The following BABAM2 variants were observed in gnomAD, a reference collection of about 807,000 sequenced individuals.
BABAM2 encodes BRISC and BRCA1 A complex member 2.
Under a neutral mutation model 54.7 loss-of-function variants are expected in BABAM2, and 31 were observed. The observed-to-expected ratio is 0.57, with a 90% CI of 0.43 to 0.77. The LOEUF is 0.77. BABAM2 is among the 30% of genes least tolerant of loss of function. The probability of loss-of-function intolerance (pLI) is 0.00; values close to 1 mark genes in which losing one functional copy is unlikely to be tolerated. For missense variants in BABAM2, 364 were observed against 455.8 expected, an observed-to-expected ratio of 0.80 and a Z score of 1.83; for synonymous variants, 167 against 162.9, an observed-to-expected ratio of 1.03 and a Z score of -0.19.
chr2:28,055,414 T>TA (rs1357614522), intron 6 of BABAM2, among the ~76,000 whole-genome samples: 1 of 151,956 alleles, frequency 6.6e-6, no homozygotes, highest in Non-Finnish European at 1.5e-5. Flanking sequence ...GAACCTAAAA[T>TA]AAAAGTTAAA....
intron 4 of BABAM2, among the ~76,000 whole-genome samples, chr2:27,993,933 A>G (rs1416013406): frequency 6.6e-6 from 1 of 152,194 alleles, no homozygotes; most frequent in Non-Finnish European, 1.5e-5. Context: ...TATACAAAGA[A>G]TGCACTAAGC....
At chr2:28,061,994 C>T (rs1678912664) in intron 6 of BABAM2, among the ~76,000 whole-genome samples, 2 of 152,074 alleles carry the variant, frequency 1.3e-5, no homozygotes, top group South Asian at 4.1e-4. Flanking sequence ...TGCGGTGGCT[C>T]ACGCCTGTAA....
In BABAM2 at chr2:27,935,487, A is replaced by G. The variant is rs145717409; in HGVS notation, c.205+5579A>G. 3.0e-3 allele frequency among the ~76,000 whole-genome samples: 464 copies of G among 152,372 alleles called. 10 individuals carry two copies. The highest frequency in any genetic ancestry group is 4.6e-4 in the Non-Finnish European group (31 of 68,036). On this transcript the variant is annotated intron_variant, in intron 3 of 11. Coordinates refer to ENST00000379624, the MANE Select transcript of BABAM2 (RefSeq NM_199191.3). ...AGAAGGTTGCTTCTTGCAGATAAGC[A>G]AAGAAAGTAGTTTCTTGAGATCGAA... is the stretch of plus-strand genomic sequence containing the variant.
At chr2:27,997,598 T>A (rs1280174739) in intron 4 of BABAM2, among the ~76,000 whole-genome samples, 2 of 152,182 alleles carry the variant, frequency 1.3e-5, no homozygotes, top group Non-Finnish European at 2.9e-5. Context: ...CACATATAAT[T>A]TGAAAGCATG....
intron 3 of BABAM2, among the ~76,000 whole-genome samples, chr2:27,932,245 A>T (rs1668149217): frequency 6.6e-6 from 1 of 152,142 alleles, no homozygotes; most frequent in East Asian, 1.9e-4. Context: ...ACAATTAGGT[A>T]TCTTAATTTC....
At chr2:28,213,489 G>T (rs1308723244) in intron 7 of BABAM2, among the ~76,000 whole-genome samples, 1 of 151,908 alleles carries the variant, frequency 6.6e-6, no homozygotes, top group Non-Finnish European at 1.5e-5. Context: ...ACCAAGGGTG[G>T]GAATGCTGTA....
At chr2:27,900,439 A>G (rs1164509365) in intron 2 of BABAM2, among the ~76,000 whole-genome samples, 1 of 152,030 alleles carries the variant, frequency 6.6e-6, no homozygotes, top group Non-Finnish European at 1.5e-5. Context: ...ACCTTACTTA[A>G]TAAGACTGTG....
intron 11 of BABAM2, among the ~76,000 whole-genome samples, chr2:28,323,905 A>C (rs1690234266): frequency 6.6e-6 from 1 of 152,148 alleles, no homozygotes; most frequent in Non-Finnish European, 1.5e-5. Flanking sequence ...TGCATTCTTC[A>C]TTAGGGTGCC....
intron 11 of BABAM2, among the ~76,000 whole-genome samples, chr2:28,312,330 A>G (rs1689158761): frequency 6.6e-6 from 1 of 152,170 alleles, no homozygotes; most frequent in South Asian, 2.1e-4. Flanking sequence ...AAAGTAGAGG[A>G]TTTACAGAGG....
At chr2:27,896,057 T>C (rs568448051) in intron 2 of BABAM2, 6 of 152,310 alleles carry the variant, frequency 3.9e-5, no homozygotes, top group Admixed American at 3.3e-4. Flanking sequence ...TGTTGCCTTT[T>C]TTTTTAAGAT....
intron 2 of BABAM2, among the ~76,000 whole-genome samples, chr2:27,922,581 G>A (rs1009119767): frequency 1.3e-5 from 2 of 152,154 alleles, no homozygotes; most frequent in African/African-American, 4.8e-5. Flanking sequence ...TCACTCACAT[G>A]TTAAACTTTA....
rs75941857 is a variant in BABAM2, at chr2:28,221,522, G to A, written c.681-15680G>A. 6.5e-3 allele frequency among the ~76,000 whole-genome samples: 996 copies of A among 152,252 alleles called. 5 individuals are homozygous for A. Among genetic ancestry groups the A allele is most frequent in the Non-Finnish European group, 0.011 (717 of 68,008 alleles). On this transcript the variant is annotated intron_variant, in intron 7 of 11. Coordinates refer to ENST00000379624, the MANE Select transcript of BABAM2 (RefSeq NM_199191.3). ...CATATTACATACTATTCTGCAGCTT[G>A]CATTTTTCCTATCCAATATATCATG...
chr2:28,176,105 G>C (rs959696123), intron 7 of BABAM2, among the ~76,000 whole-genome samples: 2 of 152,146 alleles, frequency 1.3e-5, no homozygotes, highest in Admixed American at 1.3e-4. Context: ...AATCCAAAAA[G>C]TTAGAAGTGA....
chr2:28,233,404 A>T (rs1681605815), intron 7 of BABAM2: 1 of 380,500 alleles, frequency 2.6e-6, no homozygotes, highest in South Asian at 2.1e-5. Context: ...TGATTCATGA[A>T]TATTAAAGAA....
intron 11 of BABAM2, among the ~76,000 whole-genome samples, chr2:28,303,694 C>T (rs1385291550): frequency 6.6e-6 from 1 of 151,880 alleles, no homozygotes; most frequent in Non-Finnish European, 1.5e-5. Flanking sequence ...TGCCAATTCC[C>T]ACCTCTCCCC....
At chr2:27,991,859 C>G (rs1435155755) in intron 4 of BABAM2, among the ~76,000 whole-genome samples, 1 of 152,084 alleles carries the variant, frequency 6.6e-6, no homozygotes, top group African/African-American at 2.4e-5. Context: ...TTTTATTTCT[C>G]TTGGATATAT....
At chr2:28,283,957 T>G (rs1207985376) in intron 10 of BABAM2, among the ~76,000 whole-genome samples, 1 of 152,230 alleles carries the variant, frequency 6.6e-6, no homozygotes, top group Non-Finnish European at 1.5e-5. Context: ...GTTTACTGAC[T>G]GTGAATATGC....
chr2:28,188,242 G>C (rs1676535413), intron 7 of BABAM2, among the ~76,000 whole-genome samples: 1 of 152,246 alleles, frequency 6.6e-6, no homozygotes, highest in South Asian at 2.1e-4. Flanking sequence ...TTGGCATAAA[G>C]TCCCAACCCT....
At chr2:28,219,260 C>T (rs1680180787) in intron 7 of BABAM2, among the ~76,000 whole-genome samples, 1 of 152,210 alleles carries the variant, frequency 6.6e-6, no homozygotes, top group African/African-American at 2.4e-5. Flanking sequence ...GTCAGTTGAG[C>T]TTCTAGAGGC....
Sources: gnomAD v4.1 joint callset for allele counts (sites outside exome capture counted in the v4.1 genomes callset) on GRCh38, gnomAD v4.1.1 for gene constraint, MANE v1.5 for transcripts, NCBI Gene and HGNC (gene_info 2026-07-23, HGNC 2026-07-21) for gene names.